Variants in C4orf36 observed in about 807,000 individuals in gnomAD.
C4orf36 encodes uncharacterized protein C4orf36.
Under a neutral mutation model 12.2 loss-of-function variants are expected in C4orf36, and 11 were observed. The observed-to-expected ratio is 0.90, with a 90% CI of 0.57 to 1.49. The LOEUF (loss-of-function observed/expected upper bound fraction) is 1.49, where lower values mean the gene tolerates loss of function less well. C4orf36 is among the 40% of genes most tolerant of loss of function. The pLI is 0.00. For missense variants in C4orf36, 137 were observed against 133.9 expected (o/e 1.02, Z -0.11); for synonymous variants, 54 against 51.3 (o/e 1.05, Z -0.22).
the C4orf36 span, among the ~76,000 whole-genome samples, chr4:86,906,859 G>T: frequency 6.6e-6 from 1 of 151,658 alleles, no homozygotes; most frequent in African/African-American, 2.4e-5. Flanking sequence ...GGCCAACATG[G>T]CAAAACCCCA....
chr4:86,882,030 T>C (rs1578774332), intron 4 of C4orf36, among the ~76,000 whole-genome samples: 1 of 152,212 alleles, frequency 6.6e-6, no homozygotes, highest in South Asian at 2.1e-4. Context: ...GAGTTATGCA[T>C]TGGAGCACTA....
rs372815329 is a variant in C4orf36 at position 86,887,100 on chromosome 4, C to G, written c.*2+658G>C. 17 of 136,398 alleles carry G rather than the reference C, an allele frequency of 1.2e-4. No individual in the cohort carries two copies. In the East Asian group the frequency reaches 2.8e-3, roughly 23 times the overall value. The allele number at this position is 136,398 out of a possible 1,614,324, so 8.4% of individuals were successfully genotyped here. A position where few individuals can be genotyped will look rare whatever the true frequency, so the allele number is the denominator to read the frequency against. On this transcript the variant is annotated intron_variant, in intron 4 of 4. Transcript: ENST00000295898. ...GACACAGGAAGGGGAACATCACACA[C>G]GGGGGCCTGTTGTGGGGTGGGGGTA...
At chr4:86,918,020 C>T in the C4orf36 span, among the ~76,000 whole-genome samples, 8 of 152,268 alleles carry the variant, frequency 5.3e-5, no homozygotes, top group African/African-American at 1.9e-4. Flanking sequence ...CCATCCATTT[C>T]TGTGTCTGGT....
the C4orf36 span, among the ~76,000 whole-genome samples, chr4:86,930,793 G>T: frequency 6.6e-6 from 1 of 152,208 alleles, no homozygotes; most frequent in Admixed American, 6.5e-5. Context: ...TAGAAAAAGT[G>T]ATGTCAGGTC....
the C4orf36 span, chr4:86,925,231 T>TATATATATGAGACCGAGTCTCAC: frequency 6.6e-6 from 1 of 152,110 alleles, no homozygotes; most frequent in Non-Finnish European, 1.5e-5. Flanking sequence ...GTCAGTCTCA[T>TATATATATGAGACCGAGTCTCAC]ATATATATGA....
the C4orf36 span, among the ~76,000 whole-genome samples, chr4:86,915,702 A>G: frequency 0.73 from 111,458 of 152,090 alleles, 41,776 homozygotes; most frequent in Middle Eastern, 0.81. Flanking sequence ...CAGGAGAATC[A>G]CTTGAACCCA....
At chr4:86,904,418 G>C in the C4orf36 span, among the ~76,000 whole-genome samples, 2 of 152,156 alleles carry the variant, frequency 1.3e-5, no homozygotes, top group Non-Finnish European at 2.9e-5. Flanking sequence ...CAAGGCCGAG[G>C]AGGCGCGGAG....
the C4orf36 span, among the ~76,000 whole-genome samples, chr4:86,930,870 T>C: frequency 6.6e-6 from 1 of 152,220 alleles, no homozygotes; most frequent in Non-Finnish European, 1.5e-5. Context: ...ATTATAATAA[T>C]TGTGCACCTG....
chr4:86,902,320 G>A, the C4orf36 span, among the ~76,000 whole-genome samples: 6 of 150,436 alleles, frequency 4.0e-5, no homozygotes, highest in African/African-American at 1.5e-4. Context: ...TACTCAGAAG[G>A]CTGAGGCAGG....
At chr4:86,885,926 C>T (rs527918803) in intron 4 of C4orf36, among the ~76,000 whole-genome samples, 1 of 152,262 alleles carries the variant, frequency 6.6e-6, no homozygotes, top group East Asian at 1.9e-4. Flanking sequence ...TGAATTTTGT[C>T]GAAGGCCTTT....
the C4orf36 span, among the ~76,000 whole-genome samples, chr4:86,930,761 A>G: frequency 5.3e-5 from 8 of 152,246 alleles, no homozygotes; most frequent in Non-Finnish European, 1.0e-4. Context: ...AAATTTACAT[A>G]CAATATGAAC....
rs1560471171 is a variant in C4orf36 at position 86,884,298 on chromosome 4, A to ACTTTT, written c.*2+3459_*2+3460insAAAAG. On this transcript the variant is annotated intron_variant, in intron 4 of 4. Coordinates refer to ENST00000295898, the MANE Select transcript of C4orf36 (RefSeq NM_144645.4). ...AAATTAGGCAGAAGGAAAAAGACTG[A>ACTTTT]ATTTTTTTTTTTTTTTTTTTTTTTG... Among the ~76,000 whole-genome samples the ACTTTT allele has an allele frequency of 4.8e-5, 6 of 125,250 alleles. 2 individuals are homozygous for ACTTTT. The highest frequency in any genetic ancestry group is 1.7e-5 in the Non-Finnish European group (1 of 59,620). 82.2% of individuals were successfully genotyped at this position (125,250 alleles called of 152,430 possible).
the C4orf36 span, among the ~76,000 whole-genome samples, chr4:86,904,566 G>A: frequency 8.5e-6 from 1 of 118,102 alleles, no homozygotes; most frequent in Non-Finnish European, 1.6e-5. Context: ...TGGCGACAGA[G>A]CAAGACTCTG....
At chr4:86,914,286 G>A in the C4orf36 span, 1 of 1,598,940 alleles carries the variant, frequency 6.3e-7, no homozygotes. Context: ...TGCCCCACAA[G>A]TGACGATGCG....
At chr4:86,914,022 A>G in the C4orf36 span, 2 of 1,608,584 alleles carry the variant, frequency 1.2e-6, no homozygotes, top group Non-Finnish European at 1.7e-6. Context: ...TCCTGCTGCC[A>G]GCAAAACGTC....
chr4:86,920,200 T>C, the C4orf36 span, among the ~76,000 whole-genome samples: 19 of 152,222 alleles, frequency 1.2e-4, no homozygotes, highest in Non-Finnish European at 1.5e-5. Context: ...CTTTTCCATG[T>C]AAGACCTCAT....
intron 4 of C4orf36, 92 bp from the exon 5 acceptor site, chr4:86,876,535 A>T: frequency 6.2e-7 from 1 of 1,613,976 alleles, no homozygotes; most frequent in Non-Finnish European, 8.5e-7. Context: ...GATTGTGTGA[A>T]GCTATTGTAC....
At chr4:86,890,144 T>C (rs952196596) in intron 2 of C4orf36, 2 of 434,280 alleles carry the variant, frequency 4.6e-6, no homozygotes, top group East Asian at 7.4e-5. Flanking sequence ...CCAGCCTGCG[T>C]GACAGTGTGA....
the C4orf36 span, among the ~76,000 whole-genome samples, chr4:86,908,467 G>A: frequency 1.3e-5 from 1 of 75,708 alleles, no homozygotes; most frequent in Admixed American, 1.3e-4. Context: ...TTTTTTTTTT[G>A]GAATGTGCCT....
Sources: gnomAD v4.1 joint callset for allele counts (sites outside exome capture counted in the v4.1 genomes callset) on GRCh38, gnomAD v4.1.1 for gene constraint, MANE v1.5 for transcripts, NCBI Gene and HGNC (gene_info 2026-07-23, HGNC 2026-07-21) for gene names.